PPFIBP2: variants seen among roughly 807,000 people sequenced by gnomAD.
The protein encoded by PPFIBP2 is liprin-beta-2.
Under a neutral mutation model 118.3 loss-of-function variants are expected in PPFIBP2, and 118 were observed. The ratio of observed to expected loss-of-function variants is 1.00; its 90% CI spans 0.86 to 1.16. The LOEUF is 1.16. Among genes scored for constraint, PPFIBP2 ranks in the 50% most tolerant of loss-of-function variants. PPFIBP2 has a pLI of 0.00. For missense variants in PPFIBP2, 1,195 were observed against 1,073.1 expected, an observed-to-expected ratio of 1.11 and a Z score of -1.59; for synonymous variants, 414 against 397.4, an observed-to-expected ratio of 1.04 and a Z score of -0.50.
chr11:7,614,919 A>C (rs762335419), intron 6 of PPFIBP2, among the ~76,000 whole-genome samples: 13 of 152,212 alleles, frequency 8.5e-5, no homozygotes, highest in African/African-American at 1.4e-4. Flanking sequence ...AGCAATTATA[A>C]CCTCATAAAT....
Position 7,594,166 on chromosome 11 carries a change from CT to C in PPFIBP2, c.372+945del, listed in dbSNP as rs1859859326. On this transcript the variant is annotated intron_variant, in intron 4 of 23. Coordinates refer to ENST00000299492, the MANE Select transcript of PPFIBP2 (RefSeq NM_003621.5). ...CTCTTTTTACCTTACTTATTTTACT[CT>C]TTCATTGTATTTTATGAACATAAGG... Among the ~76,000 whole-genome samples, 5 of 152,204 alleles carry C rather than the reference CT, an allele frequency of 3.3e-5. No homozygotes were observed. The South Asian group carries it at 1.0e-3, about 32-fold the overall frequency.
downstream of PPFIBP2, among the ~76,000 whole-genome samples, chr11:7,658,252 C>T (rs548163326): frequency 6.8e-6 from 1 of 147,484 alleles, no homozygotes; most frequent in South Asian, 2.2e-4. Context: ...CCCACTAACT[C>T]GTCATCTAGC....
chr11:7,626,243 G>A (rs1436040561), intron 8 of PPFIBP2, among the ~76,000 whole-genome samples: 2 of 152,178 alleles, frequency 1.3e-5, no homozygotes, highest in Non-Finnish European at 2.9e-5. Flanking sequence ...TTACTTTTGT[G>A]TCATCACCAA....
chr11:7,568,831 C>T (rs909468983), intron 3 of PPFIBP2: 1 of 152,178 alleles, frequency 6.6e-6, no homozygotes, highest in African/African-American at 2.4e-5. Flanking sequence ...CGAAGTCCTC[C>T]AGATCAATGA....
chr11:7,565,525 C>T, intron 2 of PPFIBP2, 28 bp from the exon 3 acceptor site: 1 of 1,612,158 alleles, frequency 6.2e-7, no homozygotes. Context: ...ACCCTTCTTA[C>T]TGAGTTTTCA....
chr11:7,597,841 A>G (rs1364766054), intron 5 of PPFIBP2, 168 bp downstream of exon 5: 1 of 595,558 alleles, frequency 1.7e-6, no homozygotes, highest in African/African-American at 1.9e-5. Context: ...ACCAACCTGA[A>G]CGTTGAGAGT....
At chr11:7,578,745 A>T (rs952492893) in intron 3 of PPFIBP2, among the ~76,000 whole-genome samples, 2 of 152,176 alleles carry the variant, frequency 1.3e-5, no homozygotes, top group African/African-American at 4.8e-5. Flanking sequence ...AGTTTGAGGA[A>T]ATTATACTTC....
At chr11:7,570,824 G>T (rs1294289892) in intron 3 of PPFIBP2, among the ~76,000 whole-genome samples, 2 of 152,196 alleles carry the variant, frequency 1.3e-5, no homozygotes, top group Non-Finnish European at 2.9e-5. Flanking sequence ...TCACTTCTGT[G>T]GGACTCAGTT....
chr11:7,662,940 C>G, the PPFIBP2 span, among the ~76,000 whole-genome samples: 1 of 136,394 alleles, frequency 7.3e-6, no homozygotes, highest in African/African-American at 2.5e-5. Context: ...TTGATCGCAT[C>G]GGCTCCTGAG....
intron 6 of PPFIBP2, among the ~76,000 whole-genome samples, chr11:7,614,856 G>A (rs1326892854): frequency 6.6e-6 from 1 of 152,184 alleles, no homozygotes; most frequent in African/African-American, 2.4e-5. Context: ...GAACTTTAAT[G>A]GTTGGCAAAG....
chr11:7,610,102 G>A (rs902505645), intron 5 of PPFIBP2, among the ~76,000 whole-genome samples, 189 bp from the exon 6 acceptor site: 8 of 152,134 alleles, frequency 5.3e-5, no homozygotes, highest in African/African-American at 1.9e-4. Flanking sequence ...TATTGGGGGT[G>A]CGCTATCCCT....
intron 4 of PPFIBP2, among the ~76,000 whole-genome samples, chr11:7,594,889 C>G (rs1214132512): frequency 6.9e-6 from 1 of 145,278 alleles, no homozygotes; most frequent in African/African-American, 2.6e-5. Flanking sequence ...TGTGCTCCAG[C>G]CTGGGCAACA....
intron 2 of PPFIBP2, among the ~76,000 whole-genome samples, chr11:7,554,129 T>G (rs1437018586): frequency 6.6e-6 from 1 of 152,222 alleles, no homozygotes; most frequent in African/African-American, 2.4e-5. Context: ...AATTTTAGAT[T>G]GCATGATGTC....
chr11:7,666,082 G>T, the PPFIBP2 span: 1 of 653,362 alleles, frequency 1.5e-6, no homozygotes, highest in South Asian at 1.7e-5. Flanking sequence ...GGCGGTAAGG[G>T]GTGTGGTGGC....
At chr11:7,529,848 G>A (rs1010814899) in intron 1 of PPFIBP2, among the ~76,000 whole-genome samples, 62 of 152,204 alleles carry the variant, frequency 4.1e-4, no homozygotes, top group Admixed American at 5.2e-4. Context: ...AAGAGTGGCC[G>A]TGTGATCCCT....
At chr11:7,541,064 C>T (rs970357281) in intron 1 of PPFIBP2, among the ~76,000 whole-genome samples, 1 of 152,164 alleles carries the variant, frequency 6.6e-6, no homozygotes, top group East Asian at 1.9e-4. Flanking sequence ...TGGCTGGTGG[C>T]CAGCCCCTGA....
At chr11:7,520,808 A>T (rs1849691821) in intron 1 of PPFIBP2, among the ~76,000 whole-genome samples, 1 of 152,096 alleles carries the variant, frequency 6.6e-6, no homozygotes, top group South Asian at 2.1e-4. Context: ...GTTTCTTAGT[A>T]TCATTTTTTG....
At chr11:7,515,836 A>G (rs1484230235) in intron 1 of PPFIBP2, among the ~76,000 whole-genome samples, 2 of 152,204 alleles carry the variant, frequency 1.3e-5, no homozygotes, top group Non-Finnish European at 2.9e-5. Flanking sequence ...CCTGATACAG[A>G]GAAAATCCAG....
intron 6 of PPFIBP2, 131 bp from the exon 7 acceptor site, chr11:7,620,804 T>A: frequency 1.4e-6 from 1 of 690,710 alleles, no homozygotes; most frequent in African/African-American, 1.8e-5. Context: ...AGGGACGTGT[T>A]TAAAGATTAA....
Sources: gnomAD v4.1 joint callset for allele counts (sites outside exome capture counted in the v4.1 genomes callset) on GRCh38, gnomAD v4.1.1 for gene constraint, MANE v1.5 for transcripts, NCBI Gene and HGNC (gene_info 2026-07-23, HGNC 2026-07-21) for gene names.